IL16: variants seen among roughly 807,000 people sequenced by gnomAD.
The protein encoded by IL16 is interleukin 16.
A neutral mutation model predicts 110.1 loss-of-function variants in IL16; 67 were observed. That is an observed-to-expected ratio of 0.61 (90% CI 0.50 to 0.75). The LOEUF is 0.75. Among genes scored for constraint, IL16 ranks in the 30% least tolerant of loss-of-function variants. IL16 has a pLI of 0.00. For missense variants in IL16, 1,545 were observed against 1,655.0 expected, an observed-to-expected ratio of 0.93 and a Z score of 1.15; for synonymous variants, 689 against 662.9, an observed-to-expected ratio of 1.04 and a Z score of -0.61.
rs767618370 is a variant in IL16 at position 81,225,615 on chromosome 15, C to CAGTGTTCCTG, written c.218_227dup (p.Asp76GlufsTer4). 1.9e-6 allele frequency: 3 copies of CAGTGTTCCTG among 1,614,082 alleles called. No homozygotes were observed. Among genetic ancestry groups the CAGTGTTCCTG allele is most frequent in the Non-Finnish European group, 2.5e-6 (3 of 1,179,982 alleles). ...CAGACACATCGGAGGCTGGGCCCAG[C>CAGTGTTCCTG]AGTGTTCCTGATCTAGCACTGGCCT... On this transcript the variant is annotated frameshift_variant, in exon 2 of 19. Coordinates refer to ENST00000683961, the MANE Select transcript of IL16 (RefSeq NM_172217.5). LOFTEE classifies it high-confidence loss of function.
chr15:81,223,407 A>G (rs1245763795), intron 1 of IL16, among the ~76,000 whole-genome samples: 2 of 152,228 alleles, frequency 1.3e-5, no homozygotes, highest in Non-Finnish European at 2.9e-5. Context: ...GCTGAGGATA[A>G]AGATCCAGCA....
At chr15:81,242,103 T>TA (rs1897357229) in intron 2 of IL16, among the ~76,000 whole-genome samples, 1 of 152,146 alleles carries the variant, frequency 6.6e-6, no homozygotes, top group Non-Finnish European at 1.5e-5. Context: ...ATTCTATGTA[T>TA]ATCTCTTACC....
rs1900699866 is a variant in IL16, at chr15:81,308,733, G to A, written c.3934G>A (p.Val1312Ile). 1 of 1,614,148 alleles carries A rather than the reference G, an allele frequency of 6.2e-7. No homozygotes were observed. The highest frequency in any genetic ancestry group is 2.2e-5 in the East Asian group (1 of 44,874). ...NIIKALPDGP[V>I]TIVIRRKSLQ... is the part of the protein sequence containing the mutation. ...CATCAAGGCACTGCCTGATGGACCT[G>A]TCACGATTGTCATCAGGAGAAAAAG... The change falls in exon 19 of 19, where the codon GTC becomes ATC. Residue 1312 changes from valine (V) to isoleucine (I), a missense_variant. Physicochemically the swap from Val to Ile is conservative, Grantham distance 29 (BLOSUM62 3). Around this residue, in one of 3 missense-constraint regions of IL16, gnomAD observed 356 missense variants for 399.3 expected, o/e 0.89. Coordinates refer to ENST00000683961, the MANE Select transcript of IL16 (RefSeq NM_172217.5).
upstream of IL16, among the ~76,000 whole-genome samples, chr15:81,193,541 CAA>C (rs1272350392): frequency 6.6e-6 from 1 of 151,966 alleles, no homozygotes; most frequent in Non-Finnish European, 1.5e-5. Flanking sequence ...TGAAAGGATG[CAA>C]GCCTGATGGA....
rs777484691 is a variant in IL16, at chr15:81,270,602, T to C, written c.675+954T>C. ...AACTGTCTTCTATGCTGACTTTCTC[T>C]GAAGGACCCATTTTCTGATTAGTAA... is the stretch of plus-strand genomic sequence containing the variant. On this transcript the variant is annotated intron_variant, in intron 5 of 18. Coordinates refer to ENST00000683961, the MANE Select transcript of IL16 (RefSeq NM_172217.5). Among the ~76,000 whole-genome samples the C allele has an allele frequency of 1.8e-4, 27 of 152,234 alleles. 1 individual carries two copies. The highest frequency in any genetic ancestry group is 3.7e-4 in the Non-Finnish European group (25 of 68,036).
chr15:81,232,353 T>G (rs1199700854), intron 2 of IL16, among the ~76,000 whole-genome samples: 1 of 152,198 alleles, frequency 6.6e-6, no homozygotes, highest in Admixed American at 6.5e-5. Context: ...TTTTACAGGC[T>G]AAGGCCTACA....
chr15:81,201,022 A>G (rs1895792006), intron 1 of IL16, among the ~76,000 whole-genome samples: 1 of 152,162 alleles, frequency 6.6e-6, no homozygotes, highest in Non-Finnish European at 1.5e-5. Context: ...CAAAGTGCAG[A>G]TGCCAGAGAA....
chr15:81,249,550 G>A (rs1272424441), intron 2 of IL16, among the ~76,000 whole-genome samples: 1 of 152,000 alleles, frequency 6.6e-6, no homozygotes, highest in African/African-American at 2.4e-5. Context: ...TGAGAAATGA[G>A]CTTTAAGTTT....
In IL16 at chr15:81,308,763, C is replaced by T. The variant is rs781209653; in HGVS notation, c.3964C>T (p.Gln1322Ter). ...GATTGTCATCAGGAGAAAAAGCCTC[C>T]AGTCCAAGGAAACCACAGCTGCTGG... ...VTIVIRRKSL[Q>*]SKETTAAGDS Residue 1322 changes from glutamine to a stop codon, truncating the protein, a stop_gained, in exon 19 of 19, where the codon CAG (glutamine) becomes TAG (stop). Transcript: ENST00000683961. LOFTEE classifies it high-confidence loss of function. 3.0e-5 allele frequency: 48 copies of T among 1,613,738 alleles called. No individual in the cohort carries two copies. Among genetic ancestry groups the T allele is most frequent in the Non-Finnish European group, 3.6e-5 (43 of 1,179,952 alleles).
chr15:81,243,163 ATTTTTTTTTTTT>A (rs1219851899), intron 2 of IL16, among the ~76,000 whole-genome samples: 3 of 15,016 alleles, frequency 2.0e-4, no homozygotes, highest in Admixed American at 1.3e-3. Context: ...ATATATATAT[ATTTTTTTTTTTT>A]TTTTTTTTTT....
rs922398913 is a variant in IL16, at chr15:81,308,699, C to T, written c.3900C>T (p.Ala1300=). 1.9e-6 allele frequency: 3 copies of T among 1,614,024 alleles called. No homozygotes were observed. Among genetic ancestry groups the T allele is most frequent in the African/African-American group, 1.3e-5 (1 of 74,928 alleles). The change falls in exon 19 of 19, where the codon GCC becomes GCT. Residue 1300 remains alanine, a synonymous_variant. Coordinates refer to ENST00000683961, the MANE Select transcript of IL16 (RefSeq NM_172217.5). ...TGCAGGGCCTCACACGGTTTGAAGCCTGGAACATCATCAAGGCACTGCCTG... is the reference window on the plus strand; with the variant it reads ...TGCAGGGCCTCACACGGTTTGAAGCTTGGAACATCATCAAGGCACTGCCTG... ...TAMQGLTRFE[A]WNIIKALPDG... is the part of the protein sequence containing the mutation.
At chr15:81,306,832 A>C in intron 18 of IL16, 1 of 460,460 alleles carries the variant, frequency 2.2e-6, no homozygotes, top group Non-Finnish European at 4.0e-6. Flanking sequence ...GCAGTGAGGC[A>C]CTGGCCTGTG....
chr15:81,274,337 A>C (rs181916473), intron 6 of IL16, among the ~76,000 whole-genome samples: 2 of 152,360 alleles, frequency 1.3e-5, no homozygotes, highest in Admixed American at 1.3e-4. Flanking sequence ...GTGGAAATGA[A>C]ATGAAATCCA....
chr15:81,252,247 G>A (rs1352636662), intron 2 of IL16, among the ~76,000 whole-genome samples: 2 of 152,228 alleles, frequency 1.3e-5, no homozygotes, highest in Non-Finnish European at 2.9e-5. Flanking sequence ...GGCTATCTGG[G>A]TAGTGTCAGA....
At chr15:81,296,180 C>G (rs79431016) in intron 12 of IL16, among the ~76,000 whole-genome samples, 2,348 of 152,330 alleles carry the variant, frequency 0.015, 34 homozygotes, top group Non-Finnish European at 0.026. Context: ...TTCTCCACCT[C>G]TGGGATGGAA....
chr15:81,295,371 T>C (rs1225175982), intron 12 of IL16: 27 of 1,246,798 alleles, frequency 2.2e-5, no homozygotes, highest in Non-Finnish European at 2.8e-5. Context: ...GATGCAATAT[T>C]GGATGTGTTG....
upstream of IL16, among the ~76,000 whole-genome samples, chr15:81,194,486 G>T (rs1269892649): frequency 6.7e-6 from 1 of 150,202 alleles, no homozygotes; most frequent in Non-Finnish European, 1.5e-5. Flanking sequence ...AATTAAATTA[G>T]AATTTTTAAA....
chr15:81,260,562 T>C (rs1456574420), intron 3 of IL16, among the ~76,000 whole-genome samples: 1 of 152,202 alleles, frequency 6.6e-6, no homozygotes, highest in East Asian at 1.9e-4. Flanking sequence ...ATCCCTGTTA[T>C]TAGGTATTTA....
intron 1 of IL16, among the ~76,000 whole-genome samples, chr15:81,206,843 G>A (rs1896034538): frequency 6.6e-6 from 1 of 151,142 alleles, no homozygotes; most frequent in Non-Finnish European, 1.5e-5. Flanking sequence ...AGGATGTTCA[G>A]AAGAGAATTT....
Sources: gnomAD v4.1 joint callset for allele counts (sites outside exome capture counted in the v4.1 genomes callset) on GRCh38, gnomAD v4.1.1 for gene constraint, gnomAD v4.1.1 regional missense constraint, MANE v1.5 for transcripts, NCBI Gene and HGNC (gene_info 2026-07-23, HGNC 2026-07-21) for gene names.